HERC6: variants seen among roughly 807,000 people sequenced by gnomAD.
The protein encoded by HERC6 is HECT and RLD domain containing E3 ubiquitin protein ligase family member 6.
HERC6 carries 101 observed loss-of-function variants against 114.5 expected under a neutral mutation model. The ratio of observed to expected loss-of-function variants is 0.88; its 90% confidence interval spans 0.75 to 1.04. HERC6 has a LOEUF of 1.04. Among genes scored for constraint, HERC6 ranks in the 50% least tolerant of loss-of-function variants. The pLI, the probability that HERC6 is intolerant of heterozygous loss-of-function variation, is 0.00. For synonymous variants in HERC6, 408 were observed against 436.2 expected (o/e 0.94, Z 0.81); for missense variants, 1,133 against 1,230.9 (o/e 0.92, Z 1.19).
chr4:88,441,334 T>G (rs1412395419), intron 22 of HERC6, among the ~76,000 whole-genome samples: 1 of 152,258 alleles, frequency 6.6e-6, no homozygotes, highest in Non-Finnish European at 1.5e-5. Context: ...GCTTTGTATC[T>G]ATTACCTACC....
intron 8 of HERC6, among the ~76,000 whole-genome samples, chr4:88,402,180 T>C (rs1342734977): frequency 2.0e-5 from 3 of 151,722 alleles, no homozygotes; most frequent in Non-Finnish European, 4.4e-5. Flanking sequence ...TAAGATGGTG[T>C]ATGATGGTCA....
intron 8 of HERC6, chr4:88,399,310 C>G (rs1170939553): frequency 3.3e-5 from 5 of 152,170 alleles, no homozygotes; most frequent in Non-Finnish European, 7.3e-5. Flanking sequence ...TCTATCATAG[C>G]CATTCAATCA....
chr4:88,408,212 C>CT (rs1735903061), intron 10 of HERC6, among the ~76,000 whole-genome samples: 1 of 151,946 alleles, frequency 6.6e-6, no homozygotes, highest in Non-Finnish European at 1.5e-5. Context: ...AGTTCTAGTT[C>CT]TTAGTGTGCA....
At chr4:88,392,023 C>CCCCTCCCCTTCTCTCCCT (rs2148876866) in intron 4 of HERC6, among the ~76,000 whole-genome samples, 1 of 53,306 alleles carries the variant, frequency 1.9e-5, no homozygotes, top group Admixed American at 1.8e-4. Flanking sequence ...TTCTCTCCCT[C>CCCCTCCCCTTCTCTCCCT]CCCTCCCCTT....
rs1175411980 is a variant in HERC6 at position 88,424,523 on chromosome 4, A to G, written c.1828-72A>G. 221 of 1,135,090 alleles carry G rather than the reference A, an allele frequency of 1.9e-4. 1 individual carries two copies. Among genetic ancestry groups the G allele is most frequent in the Non-Finnish European group, 2.6e-6 (2 of 775,832 alleles). 70.3% of individuals were successfully genotyped at this position (1,135,090 alleles called of 1,614,324 possible). A position where few individuals can be genotyped will look rare whatever the true frequency, so the allele number is the denominator to read the frequency against. On this transcript the variant is annotated intron_variant, in intron 14 of 22. Transcript: ENST00000264346. ...AAAACCAGATTCCAAAAAAAAGGCG[A>G]TAAGGTAAAGGAAGTAAGTTTTTTT... is the stretch of plus-strand genomic sequence containing the variant.
chr4:88,432,760 A>C (rs1487446735), intron 17 of HERC6, among the ~76,000 whole-genome samples: 1 of 151,928 alleles, frequency 6.6e-6, no homozygotes, highest in Admixed American at 6.6e-5. Context: ...AGGAAAAAAG[A>C]AAAATAAAAA....
At chr4:88,427,538 T>C (rs374922762) in intron 15 of HERC6, among the ~76,000 whole-genome samples, 1 of 146,946 alleles carries the variant, frequency 6.8e-6, no homozygotes, top group African/African-American at 2.5e-5. Flanking sequence ...ATCTGGTGCC[T>C]AAAAAAAAAA....
Position 88,408,526 on chromosome 4 carries a change from G to C in HERC6, c.1277G>C (p.Gly426Ala). ...CLTASFLKKR[G>A]TGETTSIDVD... is the part of the protein sequence containing the mutation. ...TCTTGCATTTCTTGTATCCAAAGAG[G>C]AACTGGAGAAACGACTTCCATTGAT... Residue 426 changes from glycine (G) to alanine (A), a missense_variant and splice_region_variant, in exon 11 of 23, where the codon GGA becomes GCA. Physicochemically the swap from Gly to Ala is moderately conservative, Grantham distance 60. This residue lies in a region of HERC6 where 735 missense variants were observed against 754.0 expected (regional missense o/e 0.97). Coordinates refer to ENST00000264346, the MANE Select transcript of HERC6 (RefSeq NM_017912.4). 6.3e-7 allele frequency: 1 copy of C among 1,587,400 alleles called. No individual in the cohort carries two copies. The highest frequency in any genetic ancestry group is 8.6e-7 in the Non-Finnish European group (1 of 1,162,882).
intron 1 of HERC6, among the ~76,000 whole-genome samples, chr4:88,381,952 C>T (rs1191442662): frequency 2.0e-5 from 3 of 151,926 alleles, no homozygotes; most frequent in African/African-American, 7.3e-5. Context: ...CCTCTTCCTG[C>T]ATCTGTTGAT....
chr4:88,393,459 A>G, intron 4 of HERC6, 29 bp from the exon 5 acceptor site: 1 of 1,397,452 alleles, frequency 7.2e-7, no homozygotes, highest in South Asian at 1.2e-5. Flanking sequence ...TGTTTCTTAT[A>G]CTCTAGAGAT....
intron 8 of HERC6, 23 bp downstream of exon 8, chr4:88,398,232 C>T: frequency 1.4e-6 from 2 of 1,458,222 alleles, no homozygotes; most frequent in Non-Finnish European, 1.8e-6. Context: ...CTTTTTGTTC[C>T]TCTTAAAAAT....
At chr4:88,437,618 TA>T in intron 19 of HERC6, 92 bp from the exon 20 acceptor site, 4 of 778,714 alleles carry the variant, frequency 5.1e-6, no homozygotes, top group Non-Finnish European at 8.5e-6. Flanking sequence ...TTCAGTTACA[TA>T]GGGGAAAATG....
intron 20 of HERC6, 152 bp from the exon 21 acceptor site, chr4:88,439,722 G>GT (rs1739136965): frequency 3.2e-6 from 2 of 621,584 alleles, no homozygotes; most frequent in Admixed American, 8.0e-5. Context: ...AGCTGACCAG[G>GT]TTTTGGTCAC....
chr4:88,424,827 C>CT lies in HERC6; in HGVS notation c.1935+132dup. Reference sequence around the variant, plus strand: ...CATTTTGCCACACTTTTATCTATCACTTTTTTTCTTTGTTGTTGTTACTGT... The same window carrying CT: ...CATTTTGCCACACTTTTATCTATCACTTTTTTTTCTTTGTTGTTGTTACTGT... On this transcript the variant is annotated intron_variant, in intron 15 of 22. Transcript: ENST00000264346. 3 of 626,962 alleles carry CT rather than the reference C, an allele frequency of 4.8e-6. No homozygotes were observed. In the East Asian group the frequency reaches 8.9e-5, roughly 19 times the overall value. 38.8% of individuals were successfully genotyped at this position (626,962 alleles called of 1,614,324 possible). A position where few individuals can be genotyped will look rare whatever the true frequency, so the allele number is the denominator to read the frequency against.
At chr4:88,387,321 C>T (rs1227300535) in intron 3 of HERC6, among the ~76,000 whole-genome samples, 2 of 152,132 alleles carry the variant, frequency 1.3e-5, no homozygotes, top group African/African-American at 4.8e-5. Context: ...TGCTCGAGCT[C>T]AGGAGTTTGA....
At chr4:88,401,135 C>T (rs971523767) in intron 8 of HERC6, among the ~76,000 whole-genome samples, 1 of 152,236 alleles carries the variant, frequency 6.6e-6, no homozygotes, top group South Asian at 2.1e-4. Flanking sequence ...ATGCCTGTGA[C>T]AACTCTGAGA....
intron 13 of HERC6, among the ~76,000 whole-genome samples, chr4:88,422,358 T>A (rs1302606609): frequency 2.6e-5 from 4 of 152,226 alleles, no homozygotes; most frequent in African/African-American, 7.2e-5. Context: ...TTTATAACCT[T>A]ATTCTGATCT....
chr4:88,433,603 T>C (rs550059198), intron 17 of HERC6, among the ~76,000 whole-genome samples: 1 of 152,324 alleles, frequency 6.6e-6, no homozygotes, highest in Admixed American at 6.5e-5. Flanking sequence ...TGATGCCCTG[T>C]GCAGCCTCAG....
rs1737868811 is a variant in HERC6, at chr4:88,428,604, C to T, written c.1960C>T (p.Leu654Phe). The T allele has an allele frequency of 6.2e-7, 1 of 1,605,548 alleles. No individual in the cohort carries two copies. ...GATGTCAGAAAAGAAAGCATACATGCTTATGCATGAAACAATTCTGCAAAA... is the reference window on the plus strand; with the variant it reads ...GATGTCAGAAAAGAAAGCATACATGTTTATGCATGAAACAATTCTGCAAAA... ...MQMSEKKAYM[L>F]MHETILQKKD... is the part of the protein sequence containing the mutation. The change falls in exon 16 of 23, where the codon CTT (leucine) becomes TTT (phenylalanine). Residue 654 changes from leucine to phenylalanine, a missense_variant. By Grantham distance (22) the Leu-to-Phe change is conservative (BLOSUM62 0). Transcript: ENST00000264346.
Sources: allele counts gnomAD v4.1 joint callset (sites outside exome capture counted in the v4.1 genomes callset), GRCh38; gene constraint gnomAD v4.1.1; regional missense constraint gnomAD v4.1.1; transcripts MANE v1.5; gene names NCBI Gene and HGNC (gene_info 2026-07-23, HGNC 2026-07-21).